Variants in DNMT3B observed in about 807,000 individuals in gnomAD.
DNMT3B encodes DNA (cytosine-5)-methyltransferase 3B.
DNMT3B carries 37 observed loss-of-function variants against 120.2 expected under a neutral mutation model. The ratio of observed to expected loss-of-function variants is 0.31; its 90% CI spans 0.24 to 0.40. The LOEUF is 0.40. Among genes scored for constraint, DNMT3B ranks in the 10% least tolerant of loss-of-function variants. The pLI, the probability that DNMT3B is intolerant of heterozygous loss-of-function variation, is 1.00. For synonymous variants in DNMT3B, 412 were observed against 442.8 expected (o/e 0.93, Z 0.87); for missense variants, 878 against 1,137.3 (o/e 0.77, Z 3.28).
intron 1 of DNMT3B, among the ~76,000 whole-genome samples, chr20:32,768,868 A>G (rs1175311737): frequency 6.6e-6 from 1 of 152,178 alleles, no homozygotes; most frequent in Non-Finnish European, 1.5e-5. Flanking sequence ...CCCTACCCCG[A>G]CAATGGCACT....
chr20:32,786,762 T>C (rs1206160121), intron 5 of DNMT3B, 135 bp downstream of exon 5: 5 of 1,446,946 alleles, frequency 3.5e-6, no homozygotes, highest in African/African-American at 2.8e-5. Flanking sequence ...TCTTGCTTTT[T>C]CTTTTCTCTC....
intron 1 of DNMT3B, among the ~76,000 whole-genome samples, chr20:32,765,311 T>C (rs1987246650): frequency 6.6e-6 from 1 of 152,014 alleles, no homozygotes; most frequent in Non-Finnish European, 1.5e-5. Context: ...CTCCCCTTTG[T>C]TGGGGGGCTC....
chr20:32,770,171 G>A (rs1055221501), intron 1 of DNMT3B, among the ~76,000 whole-genome samples: 3 of 152,124 alleles, frequency 2.0e-5, no homozygotes, highest in African/African-American at 7.2e-5. Context: ...AGAGTGCAAT[G>A]GCATGATCTC....
chr20:32,787,181 C>A, intron 5 of DNMT3B, 49 bp from the exon 6 acceptor site: 2 of 1,609,948 alleles, frequency 1.2e-6, no homozygotes, highest in South Asian at 1.1e-5. Context: ...GGTCTCTGGT[C>A]ACCGACATCC....
intron 3 of DNMT3B, among the ~76,000 whole-genome samples, chr20:32,781,824 T>C (rs1978657912): frequency 6.6e-6 from 1 of 152,250 alleles, no homozygotes; most frequent in African/African-American, 2.4e-5. Context: ...CCAACATCTC[T>C]ATGCTTAGGT....
intron 5 of DNMT3B, 65 bp from the exon 6 acceptor site, chr20:32,787,165 G>A (rs1979386501): frequency 6.3e-7 from 1 of 1,588,746 alleles, no homozygotes; most frequent in South Asian, 1.1e-5. Context: ...ATATGGGGGT[G>A]CCGTTGGTCT....
At chr20:32,787,823 G>A (rs1979507565) in intron 6 of DNMT3B, among the ~76,000 whole-genome samples, 2 of 152,166 alleles carry the variant, frequency 1.3e-5, no homozygotes, top group Admixed American at 1.3e-4. Context: ...CAGGTGGGCT[G>A]AGTCCAAAAG....
rs750889287 is a variant in DNMT3B at position 32,787,482 on chromosome 20, G to A, written c.654+31G>A. ...GCCGAGAGGGGCTCCTGCCCAGGGT[G>A]ACTGAGGACCCTGAACACGGGGAAA... On this transcript the variant is annotated intron_variant, in intron 6 of 22. Transcript: ENST00000328111. The A allele has an allele frequency of 6.2e-6, 10 of 1,602,614 alleles. No individual in the cohort carries two copies. In the South Asian group the frequency reaches 1.1e-4, roughly 18 times the overall value.
chr20:32,784,931 C>CAT (rs1429470208), intron 4 of DNMT3B, 72 bp downstream of exon 4: 1 of 1,396,856 alleles, frequency 7.2e-7, no homozygotes, highest in Non-Finnish European at 1.0e-6. Flanking sequence ...ATGCTACATA[C>CAT]ATAGCATAGC....
At position 32,799,235 on chromosome 20, in the gene DNMT3B, A is replaced by T. The variant is rs756420394; in HGVS notation, c.1675-9A>T. 78 of 1,609,370 alleles carry T rather than the reference A, an allele frequency of 4.8e-5. No homozygotes were observed. The highest frequency in any genetic ancestry group is 6.7e-5 in the Admixed American group (4 of 59,448). On this transcript the variant is annotated splice_polypyrimidine_tract_variant and intron_variant, in intron 15 of 22. Coordinates refer to ENST00000328111, the MANE Select transcript of DNMT3B (RefSeq NM_006892.4). The stretch of plus-strand genomic sequence containing the variant: ...CTTCACCACCATGACCTCCTTCCTT[A>T]CCTGGCAGGAAGCCCCCAAGCTGTA...
intron 10 of DNMT3B, 107 bp from the exon 11 acceptor site, chr20:32,795,302 G>C (rs1421061242): frequency 6.4e-7 from 1 of 1,565,206 alleles, no homozygotes; most frequent in East Asian, 2.2e-5. Context: ...CCCCTGTCAT[G>C]CCCCAATTGC....
intron 20 of DNMT3B, among the ~76,000 whole-genome samples, chr20:32,802,715 C>T (rs751262033): frequency 5.3e-5 from 8 of 152,136 alleles, no homozygotes; most frequent in Non-Finnish European, 8.8e-5. Context: ...AAAAGTCCCA[C>T]GTGGCTGGGT....
At chr20:32,780,958 G>A (rs994650003) in intron 2 of DNMT3B, among the ~76,000 whole-genome samples, 1 of 152,182 alleles carries the variant, frequency 6.6e-6, no homozygotes, top group African/African-American at 2.4e-5. Context: ...AGCGTGAAAG[G>A]GTTCTATTTC....
At chr20:32,775,912 A>G (rs758809051) in intron 1 of DNMT3B, among the ~76,000 whole-genome samples, 4 of 152,194 alleles carry the variant, frequency 2.6e-5, no homozygotes, top group African/African-American at 4.8e-5. Flanking sequence ...GGGGGATAAT[A>G]AGACCTGCCC....
In DNMT3B at chr20:32,808,018, G is replaced by A; in HGVS notation, c.*115G>A. 6.4e-7 allele frequency: 1 copy of A among 1,570,340 alleles called. No individual in the cohort carries two copies. The highest frequency in any genetic ancestry group is 8.7e-7 in the Non-Finnish European group (1 of 1,152,616). ...TCCTCAGCTGTGTGGGTCATACCGT[G>A]TACCTCAGTTCCCTCTTGCTCAGTG... On this transcript the variant is annotated 3_prime_UTR_variant, in exon 23 of 23. Transcript: ENST00000328111.
chr20:32,789,026 A>C lies in DNMT3B; in HGVS notation c.813+14A>C, dbSNP rs763840638. ...AAGTTCTCCGAGGTGAGTCCGGGGA[A>C]GGGCAAGGGGTTCTGCAGGCCTGAG... is the stretch of plus-strand genomic sequence containing the variant. On this transcript the variant is annotated intron_variant, in intron 7 of 22. Coordinates refer to ENST00000328111, the MANE Select transcript of DNMT3B (RefSeq NM_006892.4). 2.5e-6 allele frequency: 4 copies of C among 1,613,432 alleles called. No individual in the cohort carries two copies. The South Asian group carries it at 4.4e-5, about 18-fold the overall frequency.
intron 1 of DNMT3B, among the ~76,000 whole-genome samples, chr20:32,766,322 G>A (rs564509908): frequency 1.8e-4 from 28 of 152,108 alleles, no homozygotes; most frequent in Non-Finnish European, 2.9e-5. Context: ...CAGCCTGGGC[G>A]ACAGACCGAG....
chr20:32,790,340 A>T (rs1979830993), intron 7 of DNMT3B, among the ~76,000 whole-genome samples: 1 of 152,188 alleles, frequency 6.6e-6, no homozygotes, highest in Non-Finnish European at 1.5e-5. Flanking sequence ...CCCCATCGAG[A>T]CATAAAATGC....
At chr20:32,783,787 A>T (rs1978910412) in intron 3 of DNMT3B, among the ~76,000 whole-genome samples, 1 of 152,078 alleles carries the variant, frequency 6.6e-6, no homozygotes, top group African/African-American at 2.4e-5. Flanking sequence ...GTGCAATGGC[A>T]CGATCTCGGC....
Sources: gnomAD v4.1 joint callset for allele counts (sites outside exome capture counted in the v4.1 genomes callset) on GRCh38, gnomAD v4.1.1 for gene constraint, MANE v1.5 for transcripts, NCBI Gene and HGNC (gene_info 2026-07-23, HGNC 2026-07-21) for gene names.